Variants in NIN observed in about 807,000 individuals in gnomAD.
NIN encodes the protein glycogen synthase kinase 3 beta-interacting protein.
Under a neutral mutation model 257.6 loss-of-function variants are expected in NIN, and 137 were observed. That is an observed-to-expected ratio of 0.53 (90% CI 0.46 to 0.61). The LOEUF (loss-of-function observed/expected upper bound fraction) is 0.61, where lower values mean the gene tolerates loss of function less well. NIN is among the 20% of genes least tolerant of loss of function. The pLI is 0.00. For missense variants in NIN, 2,439 were observed against 2,501.2 expected (o/e 0.98, Z 0.53); for synonymous variants, 918 against 919.8 (o/e 1.00, Z 0.04).
intron 22 of NIN, among the ~76,000 whole-genome samples, chr14:50,745,856 C>T (rs940950844): frequency 3.9e-5 from 6 of 152,002 alleles, no homozygotes; most frequent in Non-Finnish European, 8.8e-5. Flanking sequence ...CTATGAATCA[C>T]GATATCATAC....
At chr14:50,769,942 C>CA (rs1176244770) in intron 12 of NIN, among the ~76,000 whole-genome samples, 1,933 of 84,234 alleles carry the variant, frequency 0.023, 20 homozygotes, top group African/African-American at 0.058. Flanking sequence ...GACCCCATCT[C>CA]AAAAAAAAAA....
At chr14:50,810,155 C>T (rs57748792) in intron 3 of NIN, among the ~76,000 whole-genome samples, 19,037 of 149,402 alleles carry the variant, frequency 0.13, 1,435 homozygotes, top group East Asian at 0.33. Context: ...GGCATGAACC[C>T]GGGAGGCGGA....
At chr14:50,767,164 A>G (rs1220789973) in intron 12 of NIN, among the ~76,000 whole-genome samples, 1 of 152,256 alleles carries the variant, frequency 6.6e-6, no homozygotes, top group East Asian at 1.9e-4. Flanking sequence ...GGGCCCTTGA[A>G]GTGTGTCTAG....
At chr14:50,826,387 A>G (rs2045459581) in intron 2 of NIN, among the ~76,000 whole-genome samples, 1 of 152,252 alleles carries the variant, frequency 6.6e-6, no homozygotes, top group African/African-American at 2.4e-5. Context: ...GCAGATGCAC[A>G]GAACCATTAA....
Position 50,766,760 on chromosome 14 carries a change from T to C in NIN, c.1545+20A>G. On this transcript the variant is annotated intron_variant, in intron 13 of 30. Coordinates refer to ENST00000530997, the MANE Select transcript of NIN (RefSeq NM_020921.4). ...ATAAAGTAGGCTGCCTATCAGGAAA[T>C]GAGATTTGAACAGGTTTACCTTTTC... 1 of 1,521,194 alleles carries C rather than the reference T, an allele frequency of 6.6e-7. No individual in the cohort carries two copies. The highest frequency in any genetic ancestry group is 9.1e-7 in the Non-Finnish European group (1 of 1,096,362). 94.2% of individuals were successfully genotyped at this position (1,521,194 alleles called of 1,614,324 possible). A position where few individuals can be genotyped will look rare whatever the true frequency, so the allele number is the denominator to read the frequency against.
At chr14:50,811,371 A>G (rs1343153651) in intron 3 of NIN, among the ~76,000 whole-genome samples, 1 of 151,888 alleles carries the variant, frequency 6.6e-6, no homozygotes, top group African/African-American at 2.4e-5. Flanking sequence ...GGCCTCCCAA[A>G]GTGTTGGGAT....
chr14:50,746,327 G>A (rs1400934720), intron 22 of NIN, among the ~76,000 whole-genome samples: 1 of 152,208 alleles, frequency 6.6e-6, no homozygotes, highest in Non-Finnish European at 1.5e-5. Context: ...TTTAACTTCT[G>A]TTATGTTTAT....
chr14:50,754,681 G>T (rs1373304648), intron 19 of NIN, 49 bp from the exon 20 acceptor site: 1 of 1,585,302 alleles, frequency 6.3e-7, no homozygotes, highest in Admixed American at 1.8e-5. Flanking sequence ...TTTAAAAGCT[G>T]AAGTAAAAGA....
chr14:50,763,458 G>C (rs1357784422), intron 15 of NIN, among the ~76,000 whole-genome samples: 1 of 152,214 alleles, frequency 6.6e-6, no homozygotes, highest in East Asian at 1.9e-4. Flanking sequence ...CTTCATATGA[G>C]TTACACACTC....
Position 50,756,626 on chromosome 14 carries a change from C to T in NIN, c.4404G>A (p.Leu1468=), listed in dbSNP as rs756890785. The T allele has an allele frequency of 6.4e-7, 1 of 1,564,558 alleles. No individual in the cohort carries two copies. The highest frequency in any genetic ancestry group is 1.4e-5 in the African/African-American group (1 of 73,834). ...TAACTAAAATAGTGACTCTCTCCTT[C>T]AACTTCCTAGTCAGCTCCTGTAACT... ...KTKLQELTRK[L]KERVTILVKQ... Residue 1468 remains leucine (L), a synonymous_variant, in exon 18 of 31, where the codon TTG becomes TTA. Coordinates refer to ENST00000530997, the MANE Select transcript of NIN (RefSeq NM_020921.4).
intron 11 of NIN, 88 bp downstream of exon 11, chr14:50,770,764 A>C: frequency 6.8e-7 from 1 of 1,468,092 alleles, no homozygotes; most frequent in East Asian, 2.3e-5. Context: ...AAGAGTCCCC[A>C]GTGCACTGTT....
rs1292883879 is a variant in NIN at position 50,720,587 on chromosome 14, C to T, written c.*2876G>A. ...AAAAATATGCCGAAGGCTAAATATG[C>T]AATGCATTGAAATTTCTGGGAAGAA... On this transcript the variant is annotated 3_prime_UTR_variant, in exon 31 of 31. Transcript: ENST00000530997. The T allele has an allele frequency of 4.8e-6, 1 of 206,868 alleles. No individual in the cohort carries two copies. Among genetic ancestry groups the T allele is most frequent in the East Asian group, 7.4e-5 (1 of 13,494 alleles). 12.8% of individuals were successfully genotyped at this position (206,868 alleles called of 1,614,324 possible).
chr14:50,828,467 C>G (rs1235627648), intron 2 of NIN, among the ~76,000 whole-genome samples: 2 of 152,296 alleles, frequency 1.3e-5, no homozygotes, highest in African/African-American at 4.8e-5. Flanking sequence ...GCAAGCTTCA[C>G]TAAGTCTCTC....
intron 4 of NIN, among the ~76,000 whole-genome samples, chr14:50,798,599 G>A (rs1213230941): frequency 2.0e-5 from 3 of 152,190 alleles, no homozygotes; most frequent in Non-Finnish European, 4.4e-5. Flanking sequence ...ATCTCTGTTA[G>A]GATGCCTGCA....
At chr14:50,745,603 A>C (rs1046335938) in intron 22 of NIN, among the ~76,000 whole-genome samples, 4 of 152,208 alleles carry the variant, frequency 2.6e-5, no homozygotes, top group Non-Finnish European at 5.9e-5. Flanking sequence ...CTGGTGACAA[A>C]TCCAGCATAC....
At chr14:50,814,581 C>A (rs751654532) in intron 3 of NIN, among the ~76,000 whole-genome samples, 82 of 152,150 alleles carry the variant, frequency 5.4e-4, no homozygotes, top group Admixed American at 1.1e-3. Flanking sequence ...GCTGAATAGC[C>A]AAGACAATCC....
chr14:50,739,313 C>T lies in NIN; in HGVS notation c.5623G>A (p.Glu1875Lys), dbSNP rs2041156394. The T allele has an allele frequency of 1.2e-6, 2 of 1,613,970 alleles. No individual in the cohort carries two copies. The highest frequency in any genetic ancestry group is 1.7e-6 in the Non-Finnish European group (2 of 1,179,914). The change falls in exon 26 of 31, where the codon GAG becomes AAG. Residue 1875 changes from glutamate (E) to lysine (K), a missense_variant. This residue lies in a region of NIN where 2,043 missense variants were observed against 2,050.2 expected (regional missense o/e 1.00). Coordinates refer to ENST00000530997, the MANE Select transcript of NIN (RefSeq NM_020921.4). ...TGTGCAGCTTCTCCAATTACCTTCT[C>T]CCGGGAGTGCGTGAGTTCGGCTTTG... is the stretch of plus-strand genomic sequence containing the variant. The part of the protein sequence containing the change: ...NTKAELTHSR[E>K]KVRQLESNLL...
Position 50,806,760 on chromosome 14 carries a change from T to C in NIN, c.242A>G (p.Asn81Ser), listed in dbSNP as rs760070404. The C allele has an allele frequency of 4.4e-6, 7 of 1,588,320 alleles. No individual in the cohort carries two copies. In the East Asian group the frequency reaches 1.3e-4, roughly 31 times the overall value. The change falls in exon 4 of 31, where the codon AAT (asparagine) becomes AGT (serine). Residue 81 changes from asparagine (N) to serine (S), a missense_variant. Coordinates refer to ENST00000530997, the MANE Select transcript of NIN (RefSeq NM_020921.4). ...ACCTGGTTCTTGAAAGTGTTCTTCA[T>C]TTGACAGAGTTCTGGACAAGATGAG... ...LILILSRTLS[N>S]EEHFQEPDCS...
chr14:50,806,110 T>A (rs1407989299), intron 4 of NIN: 1 of 152,228 alleles, frequency 6.6e-6, no homozygotes, highest in Non-Finnish European at 1.5e-5. Context: ...TAGAGATACA[T>A]GAAATAACAA....
Sources: allele counts gnomAD v4.1 joint callset (sites outside exome capture counted in the v4.1 genomes callset), GRCh38; gene constraint gnomAD v4.1.1; regional missense constraint gnomAD v4.1.1; transcripts MANE v1.5; gene names NCBI Gene and HGNC (gene_info 2026-07-23, HGNC 2026-07-21).